The following SOX6 variants were observed in gnomAD, a reference collection of about 807,000 sequenced individuals.
SOX6 encodes the protein transcription factor SOX-6.
In SOX6, 11 loss-of-function variants were observed where a neutral mutation model predicts 97.8. That is an observed-to-expected ratio of 0.11 (90% confidence interval 0.07 to 0.19). SOX6 has a LOEUF of 0.19. SOX6 is among the 10% of genes least tolerant of loss of function. The probability of loss-of-function intolerance (pLI) is 1.00; values close to 1 mark genes in which losing one functional copy is unlikely to be tolerated. For synonymous variants in SOX6, 360 were observed against 371.4 expected, an observed-to-expected ratio of 0.97 and a Z score of 0.35; for missense variants, 810 against 1,039.5, an observed-to-expected ratio of 0.78 and a Z score of 3.04.
Position 16,014,966 on chromosome 11 carries a change from G to C in SOX6, c.1708C>G (p.Leu570Val). The C allele has an allele frequency of 6.2e-7, 1 of 1,612,902 alleles. No individual in the cohort carries two copies. Among genetic ancestry groups the C allele is most frequent in the Non-Finnish European group, 8.5e-7 (1 of 1,179,284 alleles). Residue 570 changes from leucine to valine, a missense_variant, in exon 13 of 16, where the codon CTT becomes GTT. Transcript: ENST00000683767. ...DGKLGPGVID[L>V]TRPEDAEGSK... ...CCCTCTGCATCTTCTGGCCGAGTAA[G>C]GTCGATGACACCTGGGCCCAGTTTT... is the stretch of plus-strand genomic sequence containing the variant.
At chr11:16,425,777 A>C (rs1859115900) in intron 1 of SOX6, among the ~76,000 whole-genome samples, 1 of 152,190 alleles carries the variant, frequency 6.6e-6, no homozygotes. Context: ...AGATCTCTAC[A>C]AGGAGAACTA....
chr11:16,403,001 T>C (rs1443047806), intron 1 of SOX6: 1 of 557,614 alleles, frequency 1.8e-6, no homozygotes, highest in Admixed American at 2.9e-5. Flanking sequence ...GAAGTTGGAG[T>C]TACTAAGGCA....
chr11:16,022,339 C>T (rs993106184), intron 12 of SOX6, among the ~76,000 whole-genome samples: 3 of 140,740 alleles, frequency 2.1e-5, no homozygotes, highest in Non-Finnish European at 1.5e-5. Flanking sequence ...TCTTTCCTTC[C>T]TTCCTTCCTT....
intron 1 of SOX6, among the ~76,000 whole-genome samples, chr11:16,361,743 A>G (rs1440511753): frequency 1.3e-5 from 2 of 152,222 alleles, no homozygotes; most frequent in African/African-American, 4.8e-5. Flanking sequence ...TGATGAAGAT[A>G]GCAAGGAAAA....
intron 2 of SOX6, among the ~76,000 whole-genome samples, chr11:16,324,578 T>G (rs1486124377): frequency 6.6e-6 from 1 of 152,134 alleles, no homozygotes; most frequent in Admixed American, 6.6e-5. Flanking sequence ...CTTTTTTATT[T>G]TAAATTTTTG....
chr11:16,688,042 GGCTCACTGCA>G (rs1847982454), intron 3 of SOX6, among the ~76,000 whole-genome samples: 1 of 151,796 alleles, frequency 6.6e-6, no homozygotes, highest in African/African-American at 2.4e-5. Context: ...GCATGATCTT[GGCTCACTGCA>G]GCCTCAACCT....
intron 4 of SOX6, among the ~76,000 whole-genome samples, chr11:16,509,312 C>G (rs1036797789): frequency 6.6e-6 from 1 of 151,816 alleles, no homozygotes; most frequent in Non-Finnish European, 1.5e-5. Flanking sequence ...TAAAGGTTAT[C>G]TGGCAAAGCT....
intron 12 of SOX6, among the ~76,000 whole-genome samples, chr11:16,022,397 C>T (rs1351840859): frequency 1.4e-5 from 2 of 145,818 alleles, no homozygotes; most frequent in Non-Finnish European, 3.0e-5. Flanking sequence ...CTTCCTCTCT[C>T]TCTCTCTCTC....
At chr11:16,073,371 A>G (rs1289175755) in intron 9 of SOX6, among the ~76,000 whole-genome samples, 1 of 152,216 alleles carries the variant, frequency 6.6e-6, no homozygotes, top group Non-Finnish European at 1.5e-5. Flanking sequence ...CATAATGGTA[A>G]AGGGTTCTAT....
chr11:16,382,046 T>G (rs1245675004), intron 1 of SOX6, among the ~76,000 whole-genome samples: 1 of 152,052 alleles, frequency 6.6e-6, no homozygotes, highest in Non-Finnish European at 1.5e-5. Context: ...AGGCCATTTC[T>G]TACGTTTAAT....
At chr11:16,376,152 A>G (rs1451622429) in intron 1 of SOX6, among the ~76,000 whole-genome samples, 1 of 152,270 alleles carries the variant, frequency 6.6e-6, no homozygotes, top group East Asian at 1.9e-4. Context: ...CATTCTGCAC[A>G]TGTATCCCAG....
rs190315384 is a variant in SOX6 at position 15,982,266 on chromosome 11, T to C, written c.2183+3938A>G. Among the ~76,000 whole-genome samples the C allele has an allele frequency of 1.7e-3, 264 of 152,182 alleles. 1 individual carries two copies. Among genetic ancestry groups the C allele is most frequent in the Non-Finnish European group, 3.1e-3 (209 of 67,960 alleles). On this transcript the variant is annotated intron_variant, in intron 15 of 15. Transcript: ENST00000683767. ...TACTAGCTGTGTGGCCCTACACAAA[T>C]TATTTAACATCTCTGAATATTGCAT...
At chr11:15,976,193 A>C (rs4756842) in intron 15 of SOX6, among the ~76,000 whole-genome samples, 48,712 of 152,066 alleles carry the variant, frequency 0.32, 9,414 homozygotes, top group Non-Finnish European at 0.43. Context: ...GTGAGAACTT[A>C]TCCCTGTGAG....
intron 4 of SOX6, among the ~76,000 whole-genome samples, chr11:16,486,531 T>C (rs1388448358): frequency 6.6e-6 from 1 of 152,134 alleles, no homozygotes; most frequent in Non-Finnish European, 1.5e-5. Flanking sequence ...ATCCACAGAC[T>C]ACCTATATTA....
intron 1 of SOX6, among the ~76,000 whole-genome samples, chr11:16,342,948 C>T (rs1162253064): frequency 6.6e-6 from 1 of 151,638 alleles, no homozygotes; most frequent in Non-Finnish European, 1.5e-5. Flanking sequence ...AAAGGGAATG[C>T]AAAAGAATGC....
chr11:16,307,447 T>C (rs1855476167), intron 3 of SOX6, among the ~76,000 whole-genome samples: 1 of 152,224 alleles, frequency 6.6e-6, no homozygotes, highest in Non-Finnish European at 1.5e-5. Context: ...GACAGTTTCC[T>C]GTCTACCTCT....
chr11:16,728,137 G>T (rs1848321392), intron 2 of SOX6, among the ~76,000 whole-genome samples: 2 of 152,180 alleles, frequency 1.3e-5, no homozygotes, highest in Non-Finnish European at 2.9e-5. Context: ...GAACACCTGG[G>T]GGAAGGGGCA....
intron 4 of SOX6, among the ~76,000 whole-genome samples, chr11:16,224,330 TTTTCTTTTACATAAACA>T (rs1852623157): frequency 6.6e-6 from 1 of 152,094 alleles, no homozygotes; most frequent in African/African-American, 2.4e-5. Context: ...AACTTCAGTG[TTTTCTTTTACATAAACA>T]TTGATTTCAC....
intron 7 of SOX6, among the ~76,000 whole-genome samples, chr11:16,107,687 T>C (rs1056122417): frequency 2.0e-5 from 3 of 151,820 alleles, no homozygotes; most frequent in African/African-American, 4.8e-5. Flanking sequence ...TTGTTGGGTA[T>C]GATGAAAAAG....
Sources: allele counts gnomAD v4.1 joint callset (sites outside exome capture counted in the v4.1 genomes callset), GRCh38; gene constraint gnomAD v4.1.1; transcripts MANE v1.5; gene names NCBI Gene and HGNC (gene_info 2026-07-23, HGNC 2026-07-21).